Variants in CBX6 observed in about 807,000 individuals in gnomAD.
CBX6 encodes chromobox 6, also known as chromobox protein homolog 6.
Under a neutral mutation model 28.4 loss-of-function variants are expected in CBX6, and 7 were observed. The ratio of observed to expected loss-of-function variants is 0.25; its 90% CI spans 0.14 to 0.46. The LOEUF (loss-of-function observed/expected upper bound fraction) is 0.46, where lower values mean the gene tolerates loss of function less well. Ranked by LOEUF, CBX6 falls within the 20% of genes least tolerant of loss-of-function variation. CBX6 has a pLI of 0.99. For missense variants in CBX6, 512 were observed against 606.1 expected, an observed-to-expected ratio of 0.84 and a Z score of 1.63; for synonymous variants, 297 against 273.4, an observed-to-expected ratio of 1.09 and a Z score of -0.85.
rs1046569414 is a variant in CBX6, at chr22:38,871,847, C to A, written c.113+55G>T. The A allele has an allele frequency of 1.9e-6, 3 of 1,553,014 alleles. No individual in the cohort carries two copies. Among genetic ancestry groups the A allele is most frequent in the African/African-American group, 2.7e-5 (2 of 73,948 alleles). On this transcript the variant is annotated intron_variant, in intron 2 of 4. Transcript: ENST00000407418. The surrounding 1 kb of genome is among the most constrained non-coding windows in gnomAD (Gnocchi z 5.6). ...CAAGAGCGCGCACCCCCACCCCAGG[C>A]CCCGGTGCCCGCTGCCTCCCCTCCC...
intron 4 of CBX6, among the ~76,000 whole-genome samples, chr22:38,868,950 A>G (rs1321357048): frequency 6.6e-6 from 1 of 152,188 alleles, no homozygotes; most frequent in Non-Finnish European, 1.5e-5. Flanking sequence ...CCCCCATGGG[A>G]GAAGGGACTG....
chr22:38,866,138 G>T lies in CBX6; in HGVS notation c.*71C>A. On this transcript the variant is annotated 3_prime_UTR_variant, in exon 5 of 5. Coordinates refer to ENST00000407418, the MANE Select transcript of CBX6 (RefSeq NM_014292.5). The surrounding 1 kb of genome is among the most constrained non-coding windows in gnomAD (Gnocchi z 7.5). Reference sequence around the variant, plus strand: ...CAGGGAGAGAGGGCTGGGGGCAAGGGTGGGGTGGGAGCAAGAGTATGACTT... The same window carrying T: ...CAGGGAGAGAGGGCTGGGGGCAAGGTTGGGGTGGGAGCAAGAGTATGACTT... 9.1e-7 allele frequency: 1 copy of T among 1,103,720 alleles called. No individual in the cohort carries two copies. Among genetic ancestry groups the T allele is most frequent in the Non-Finnish European group, 1.3e-6 (1 of 767,370 alleles). The allele number at this position is 1,103,720 out of a possible 1,614,324, so 68.4% of individuals were successfully genotyped here.
At position 38,865,876 on chromosome 22, in the gene CBX6, G is replaced by C. The variant is rs1193080754; in HGVS notation, c.*333C>G. Reference sequence around the variant, plus strand: ...CTGCCAGGTTAGCACCGAGAAATCAGACGCCGCACAGGAGAGCAGGAAGCA... The same window carrying C: ...CTGCCAGGTTAGCACCGAGAAATCACACGCCGCACAGGAGAGCAGGAAGCA... On this transcript the variant is annotated 3_prime_UTR_variant, in exon 5 of 5. Coordinates refer to ENST00000407418, the MANE Select transcript of CBX6 (RefSeq NM_014292.5). 1 of 304,208 alleles carries C rather than the reference G, an allele frequency of 3.3e-6. No homozygotes were observed. Among genetic ancestry groups the C allele is most frequent in the East Asian group, 5.9e-5 (1 of 17,038 alleles). 18.8% of individuals were successfully genotyped at this position (304,208 alleles called of 1,614,324 possible). A position where few individuals can be genotyped will look rare whatever the true frequency, so the allele number is the denominator to read the frequency against.
Position 38,863,725 on chromosome 22 carries a change from C to T in CBX6, c.*2484G>A, listed in dbSNP as rs1383416166. ...CCTCTCCCCAGCCACCCCCAGGGGC[C>T]CAGCTTCTTGCCTCCTGAAGCCTGC... is the stretch of plus-strand genomic sequence containing the variant. On this transcript the variant is annotated 3_prime_UTR_variant, in exon 5 of 5. Coordinates refer to ENST00000407418, the MANE Select transcript of CBX6 (RefSeq NM_014292.5). 1 of 152,082 alleles carries T rather than the reference C, an allele frequency of 6.6e-6. No homozygotes were observed. Among genetic ancestry groups the T allele is most frequent in the African/African-American group, 2.4e-5 (1 of 41,376 alleles). 9.4% of individuals were successfully genotyped at this position (152,082 alleles called of 1,614,324 possible).
chr22:38,871,697 T>C lies in CBX6; in HGVS notation c.174A>G (p.Glu58=), dbSNP rs1351327806. The C allele has an allele frequency of 6.2e-7, 1 of 1,613,302 alleles. No homozygotes were observed. Among genetic ancestry groups the C allele is most frequent in the Non-Finnish European group, 8.5e-7 (1 of 1,179,668 alleles). Reference sequence around the variant, plus strand: ...CAGCTTCCCCAACAACTCACTTTTGTTCGAAGGCTGCAATGAGCCGCGAGT... The same window carrying C: ...CAGCTTCCCCAACAACTCACTTTTGCTCGAAGGCTGCAATGAGCCGCGAGT... ...ILDSRLIAAF[E]QKERERELYG... The change falls in exon 3 of 5, where the codon GAA becomes GAG. Residue 58 remains glutamate (E), a synonymous_variant. Transcript: ENST00000407418. The surrounding 1 kb of genome is among the most constrained non-coding windows in gnomAD (Gnocchi z 5.6).
chr22:38,867,186 C>T lies in CBX6; in HGVS notation c.262G>A (p.Glu88Lys). 2 of 994,398 alleles carry T rather than the reference C, an allele frequency of 2.0e-6. No individual in the cohort carries two copies. The highest frequency in any genetic ancestry group is 2.8e-6 in the Non-Finnish European group (2 of 725,416). The allele number at this position is 994,398 out of a possible 1,614,324, so 61.6% of individuals were successfully genotyped here. Residue 88 changes from glutamate to lysine, a missense_variant, in exon 5 of 5, where the codon GAG becomes AAG. Around this residue, in one of 7 missense-constraint regions of CBX6, gnomAD observed 123 missense variants for 138.1 expected, o/e 0.89. Transcript: ENST00000407418. Reference sequence around the variant, plus strand: ...TGCACATCACTGATGCGGAGGGCCTCGGCCTGGGCCCGCGCCTGCGGGCAG... The same window carrying T: ...TGCACATCACTGATGCGGAGGGCCTTGGCCTGGGCCCGCGCCTGCGGGCAG... ...TFLLKARAQA[E>K]ALRISDVHFS...
chr22:38,867,039 G>C lies in CBX6; in HGVS notation c.409C>G (p.Pro137Ala), dbSNP rs751656219. The C allele has an allele frequency of 2.1e-5, 33 of 1,605,672 alleles. No individual in the cohort carries two copies. Among genetic ancestry groups the C allele is most frequent in the Non-Finnish European group, 2.5e-6 (3 of 1,177,444 alleles). The change falls in exon 5 of 5, where the codon CCG (proline) becomes GCG (alanine). Residue 137 changes from proline (P) to alanine (A), a missense_variant. By Grantham distance (27) the Pro-to-Ala change is conservative (BLOSUM62 -1). Transcript: ENST00000407418. ...CCGGGGCTGCCCCCCTGCGGGTCCG[G>C]GCGGGGCAGGGGACGGCGGGACATA... ...HRMSRRPLPR[P>A]DPQGGSPGLR...
In CBX6 at chr22:38,866,505, G is replaced by C. The variant is rs1389734187; in HGVS notation, c.943C>G (p.Leu315Val). The C allele has an allele frequency of 6.3e-7, 1 of 1,589,666 alleles. No homozygotes were observed. The highest frequency in any genetic ancestry group is 1.1e-5 in the South Asian group (1 of 89,970). ...PSWREPEVLD[L>V]SLPPESAATS... ...GCTGCCGACTCGGGAGGGAGGGACA[G>C]GTCGAGCACCTCCGGCTCGCGCCAG... The change falls in exon 5 of 5, where the codon CTG becomes GTG. Residue 315 changes from leucine to valine, a missense_variant. By Grantham distance (32) the Leu-to-Val change is conservative. This residue lies in a region of CBX6 where 290 missense variants were observed against 274.1 expected (regional missense o/e 1.06). Coordinates refer to ENST00000407418, the MANE Select transcript of CBX6 (RefSeq NM_014292.5). The surrounding 1 kb of genome is among the most constrained non-coding windows in gnomAD (Gnocchi z 7.5).
In CBX6 at chr22:38,871,958, G is replaced by C. The variant is rs1237174477; in HGVS notation, c.70-13C>G. The C allele has an allele frequency of 6.5e-7, 1 of 1,530,022 alleles. No homozygotes were observed. The highest frequency in any genetic ancestry group is 2.0e-5 in the Admixed American group (1 of 49,096). The allele number at this position is 1,530,022 out of a possible 1,614,324, so 94.8% of individuals were successfully genotyped here. A position where few individuals can be genotyped will look rare whatever the true frequency, so the allele number is the denominator to read the frequency against. On this transcript the variant is annotated splice_polypyrimidine_tract_variant and intron_variant, in intron 1 of 4. Coordinates refer to ENST00000407418, the MANE Select transcript of CBX6 (RefSeq NM_014292.5). This position sits in a 1 kb window ranked among gnomAD's most constrained non-coding sequence, Gnocchi z 5.6. ...ACTCGATGCGTCCCTGAAAAACAGA[G>C]GGGAGAAAAACGGGGGTGGGGGTGG...
rs1286504218 is a variant in CBX6 at position 38,867,065 on chromosome 22, C to CGGTGG, written c.378_382dup (p.Arg128ProfsTer39). The CGGTGG allele has an allele frequency of 6.2e-7, 1 of 1,603,942 alleles. No individual in the cohort carries two copies. The highest frequency in any genetic ancestry group is 1.3e-5 in the African/African-American group (1 of 74,872). ...GCGGGGCAGGGGACGGCGGGACATA[C>CGGTGG]GGTGGCAGCGGCGGATGTCCTTCTT... is the stretch of plus-strand genomic sequence containing the variant. On this transcript the variant is annotated frameshift_variant, in exon 5 of 5. Transcript: ENST00000407418. LOFTEE classifies it high-confidence loss of function.
rs980146042 is a variant in CBX6 at position 38,864,530 on chromosome 22, G to C, written c.*1679C>G. 7.9e-5 allele frequency: 12 copies of C among 152,780 alleles called. No individual in the cohort carries two copies. In the East Asian group the frequency reaches 2.1e-3, roughly 27 times the overall value. The allele number at this position is 152,780 out of a possible 1,614,324, so 9.5% of individuals were successfully genotyped here. ...CAAAGCCAACACACAGGGCAGGGTA[G>C]GGAGGGGCCGAGGAGTATCAGCCCC... is the stretch of plus-strand genomic sequence containing the variant. On this transcript the variant is annotated 3_prime_UTR_variant, in exon 5 of 5. Coordinates refer to ENST00000407418, the MANE Select transcript of CBX6 (RefSeq NM_014292.5).
In CBX6 at chr22:38,871,367, G is replaced by A. The variant is rs765815273; in HGVS notation, c.246+113C>T. 4.4e-5 allele frequency: 50 copies of A among 1,126,292 alleles called. No homozygotes were observed. The Middle Eastern group carries it at 1.9e-3, about 43-fold the overall frequency. The allele number at this position is 1,126,292 out of a possible 1,614,324, so 69.8% of individuals were successfully genotyped here. A position where few individuals can be genotyped will look rare whatever the true frequency, so the allele number is the denominator to read the frequency against. ...CCCCCTGCCCAGCTGGGGCCCCTCT[G>A]AAAAGGCCGGCCCGCTTGGGCGGCC... is the stretch of plus-strand genomic sequence containing the variant. On this transcript the variant is annotated intron_variant, in intron 4 of 4. Transcript: ENST00000407418. The surrounding 1 kb of genome is among the most constrained non-coding windows in gnomAD (Gnocchi z 5.6).
rs1164038950 is a variant in CBX6 at position 38,867,109 on chromosome 22, G to A, written c.339C>T (p.Ser113=). The A allele has an allele frequency of 6.3e-6, 10 of 1,592,108 alleles. No individual in the cohort carries two copies. Among genetic ancestry groups the A allele is most frequent in the South Asian group, 2.3e-5 (2 of 88,596 alleles). Residue 113 remains serine (S), a synonymous_variant, in exon 5 of 5, where the codon AGC becomes AGT. Coordinates refer to ENST00000407418, the MANE Select transcript of CBX6 (RefSeq NM_014292.5). ...CCTTCTTGAGCCGGTGCACGGCTGC[G>A]CTGGAGTGCAGCTTGGGCGAGGAGG... The part of the protein sequence containing the change: ...ASASSPKLHS[S]AAVHRLKKDI...
rs200823973 is a variant in CBX6 at position 38,871,871 on chromosome 22, C to G, written c.113+31G>C. The stretch of plus-strand genomic sequence containing the variant: ...GCCCCGGTGCCCGCTGCCTCCCCTC[C>G]CGCGACGCCCCCGGACCCCGCGACA... On this transcript the variant is annotated intron_variant, in intron 2 of 4. Coordinates refer to ENST00000407418, the MANE Select transcript of CBX6 (RefSeq NM_014292.5). This position sits in a 1 kb window ranked among gnomAD's most constrained non-coding sequence, Gnocchi z 5.6. 5.6e-5 allele frequency: 86 copies of G among 1,536,344 alleles called. No individual in the cohort carries two copies. In the African/African-American group the frequency reaches 1.1e-3, roughly 20 times the overall value.
chr22:38,868,847 T>A (rs968378043), intron 4 of CBX6, among the ~76,000 whole-genome samples: 2 of 152,170 alleles, frequency 1.3e-5, no homozygotes, highest in Non-Finnish European at 1.5e-5. Flanking sequence ...CAGACAAGAC[T>A]AGATTACCAT....
rs779174067 is a variant in CBX6, at chr22:38,866,757, C to A, written c.691G>T (p.Ala231Ser). ...GGCGGAGGCTTGTACAGCGCAAAGG[C>A]GCCGAACTTCATGTGGCGGATCTGT... is the stretch of plus-strand genomic sequence containing the variant. ...RTQIRHMKFG[A>S]FALYKPPPAP... The change falls in exon 5 of 5, where the codon GCC becomes TCC. Residue 231 changes from alanine (A) to serine (S), a missense_variant. Physicochemically the swap from Ala to Ser is moderately conservative, Grantham distance 99 (BLOSUM62 1). Coordinates refer to ENST00000407418, the MANE Select transcript of CBX6 (RefSeq NM_014292.5). This position sits in a 1 kb window ranked among gnomAD's most constrained non-coding sequence, Gnocchi z 7.5. The A allele has an allele frequency of 1.2e-6, 2 of 1,610,664 alleles. No individual in the cohort carries two copies. Among genetic ancestry groups the A allele is most frequent in the Admixed American group, 1.7e-5 (1 of 59,674 alleles).
At position 38,865,199 on chromosome 22, in the gene CBX6, G is replaced by A. The variant is rs1027720476; in HGVS notation, c.*1010C>T. The A allele has an allele frequency of 2.6e-5, 4 of 152,380 alleles. No homozygotes were observed. Among genetic ancestry groups the A allele is most frequent in the East Asian group, 1.9e-4 (1 of 5,170 alleles). The allele number at this position is 152,380 out of a possible 1,614,324, so 9.4% of individuals were successfully genotyped here. ...GTCCCCACCATGATGTGAAGTGAAG[G>A]TCCGACAGGTTGGGCTGACCACCCT... On this transcript the variant is annotated 3_prime_UTR_variant, in exon 5 of 5. Transcript: ENST00000407418.
chr22:38,871,066 C>T lies in CBX6; in HGVS notation c.246+414G>A, dbSNP rs746155831. 7 of 187,234 alleles carry T rather than the reference C, an allele frequency of 3.7e-5. No individual in the cohort carries two copies. The highest frequency in any genetic ancestry group is 7.8e-5 in the Non-Finnish European group (7 of 90,164). The allele number at this position is 187,234 out of a possible 1,614,324, so 11.6% of individuals were successfully genotyped here. ...AGCTGGGGGCAGGGAGGCAGGTGGT[C>T]CCCCAAATCCTCTCCTTGTGCCCTG... On this transcript the variant is annotated intron_variant, in intron 4 of 4. Transcript: ENST00000407418. This position sits in a 1 kb window ranked among gnomAD's most constrained non-coding sequence, Gnocchi z 5.6.
At position 38,866,323 on chromosome 22, in the gene CBX6, G is replaced by A. The variant is rs757708046; in HGVS notation, c.1125C>T (p.Ser375=). 6.2e-7 allele frequency: 1 copy of A among 1,614,012 alleles called. No individual in the cohort carries two copies. Among genetic ancestry groups the A allele is most frequent in the East Asian group, 2.2e-5 (1 of 44,852 alleles). ...CCTTGATTGTGACCGTCAGGAGGTT[G>A]CTGGTGACATCGGTGACGACCACAT... is the stretch of plus-strand genomic sequence containing the variant. ...CSNVVVTDVT[S]NLLTVTIKEF... Residue 375 remains serine, a synonymous_variant, in exon 5 of 5, where the codon AGC becomes AGT. Transcript: ENST00000407418. This position sits in a 1 kb window ranked among gnomAD's most constrained non-coding sequence, Gnocchi z 7.5.
Sources: gnomAD v4.1 joint callset for allele counts (sites outside exome capture counted in the v4.1 genomes callset) on GRCh38, gnomAD v4.1.1 for gene constraint, gnomAD v4.1.1 regional missense constraint, Gnocchi (gnomAD v3.1) non-coding constraint, MANE v1.5 for transcripts, NCBI Gene and HGNC (gene_info 2026-07-23, HGNC 2026-07-21) for gene names.